Variants in SHOC1 observed in about 807,000 individuals in gnomAD.
SHOC1 encodes the protein protein shortage in chiasmata 1 ortholog.
In SHOC1, 136 loss-of-function variants were observed where a neutral mutation model predicts 179.2. That is an observed-to-expected ratio of 0.76 (90% CI 0.66 to 0.87). SHOC1 has a LOEUF of 0.87. Ranked by LOEUF, SHOC1 falls within the 40% of genes least tolerant of loss-of-function variation. SHOC1 has a pLI of 0.00. For missense variants in SHOC1, 1,538 were observed against 1,700.8 expected (o/e 0.90, Z 1.68); for synonymous variants, 489 against 586.6 (o/e 0.83, Z 2.41).
chr9:111,758,503 C>T (rs1589449467), intron 6 of SHOC1, among the ~76,000 whole-genome samples, 192 bp downstream of exon 6: 1 of 152,164 alleles, frequency 6.6e-6, no homozygotes, highest in East Asian at 1.9e-4. Flanking sequence ...GCAGGAGAAT[C>T]GCATGTGCCC....
rs141436707 is a variant in SHOC1 at position 111,732,995 on chromosome 9, A to T, written c.1418-4946T>A. ...GAGTAGTGCATCCTGGGGACAATGA[A>T]ATCTTCACATTTGGAGCCTTCCTAC... On this transcript the variant is annotated intron_variant, in intron 12 of 27. Coordinates refer to ENST00000682961, the MANE Select transcript of SHOC1 (RefSeq NM_001378211.1). 2.7e-3 allele frequency among the ~76,000 whole-genome samples: 416 copies of T among 151,922 alleles called. 1 individual carries two copies. The highest frequency in any genetic ancestry group is 9.0e-3 in the African/African-American group (371 of 41,402).
intron 12 of SHOC1, among the ~76,000 whole-genome samples, chr9:111,736,660 G>T (rs79841908): frequency 1.3e-5 from 2 of 152,276 alleles, no homozygotes; most frequent in East Asian, 1.9e-4. Context: ...TCTTGGGAAA[G>T]AATTTATGAT....
At chr9:111,704,727 C>T (rs1272676380) in intron 21 of SHOC1, among the ~76,000 whole-genome samples, 6 of 131,752 alleles carry the variant, frequency 4.6e-5, no homozygotes, top group South Asian at 2.6e-4. Context: ...AAGTGTTTTA[C>T]GATTTTATAA....
intron 10 of SHOC1, among the ~76,000 whole-genome samples, chr9:111,745,134 A>G (rs529066795): frequency 2.0e-5 from 3 of 152,348 alleles, no homozygotes; most frequent in African/African-American, 7.2e-5. Context: ...TAGGACATCC[A>G]TAAGAGAGCA....
intron 27 of SHOC1, among the ~76,000 whole-genome samples, chr9:111,687,992 T>C (rs1375808532): frequency 6.6e-6 from 1 of 152,220 alleles, no homozygotes; most frequent in Admixed American, 6.5e-5. Context: ...AGCTAAAGAA[T>C]CCTTAAGTAA....
chr9:111,693,221 G>A (rs1831521965), intron 26 of SHOC1, among the ~76,000 whole-genome samples: 1 of 151,566 alleles, frequency 6.6e-6, no homozygotes, highest in African/African-American at 2.4e-5. Context: ...CACGAGAATT[G>A]CTTGAACCCA....
At chr9:111,699,129 G>T (rs1217392396) in intron 24 of SHOC1, among the ~76,000 whole-genome samples, 1 of 152,036 alleles carries the variant, frequency 6.6e-6, no homozygotes. Context: ...AGTAGAAAAG[G>T]GATATTAGTT....
At chr9:111,759,634 C>T (rs1176170311) in intron 5 of SHOC1, 11 of 918,286 alleles carry the variant, frequency 1.2e-5, no homozygotes, top group African/African-American at 1.8e-5. Flanking sequence ...AATATAAGCT[C>T]AGATGAAGAA....
chr9:111,714,445 C>A lies in SHOC1; in HGVS notation c.2415G>T (p.Lys805Asn), dbSNP rs780796076. The A allele has an allele frequency of 8.7e-6, 14 of 1,613,016 alleles. No homozygotes were observed. The highest frequency in any genetic ancestry group is 1.3e-5 in the African/African-American group (1 of 74,856). The change falls in exon 17 of 28, where the codon AAG (lysine) becomes AAT (asparagine). Residue 805 changes from lysine to asparagine, a missense_variant and splice_region_variant. Coordinates refer to ENST00000682961, the MANE Select transcript of SHOC1 (RefSeq NM_001378211.1). The stretch of plus-strand genomic sequence containing the variant: ...TACCGGCTTTATTCCAATACTTAAC[C>A]TTAATTTGCTGTTGACTTTGCATCC... ...LSWMQSQQQIKVLIIIRMDSD... is the reference protein window; with the variant it reads ...LSWMQSQQQINVLIIIRMDSD...
At chr9:111,700,277 G>C (rs567838391) in intron 23 of SHOC1, among the ~76,000 whole-genome samples, 13 of 152,052 alleles carry the variant, frequency 8.5e-5, no homozygotes, top group African/African-American at 2.4e-4. Context: ...GTGTGTTAGG[G>C]GAGGTGTGAG....
Position 111,758,735 on chromosome 9 carries a change from C to G in SHOC1, c.556G>C (p.Asp186His). ...TCTGTGAAGATCTGTCCTTTGAAAT[C>G]TAAAAGAGGATCCTTTACCAAAAAC... ...KLFLVKDPLL[D>H]FKGQIFTEAN... Residue 186 changes from aspartate to histidine, a missense_variant, in exon 6 of 28, where the codon GAT (aspartate) becomes CAT (histidine). Physicochemically the swap from Asp to His is moderately conservative, Grantham distance 81 (BLOSUM62 -1). Coordinates refer to ENST00000682961, the MANE Select transcript of SHOC1 (RefSeq NM_001378211.1). 9 of 1,597,836 alleles carry G rather than the reference C, an allele frequency of 5.6e-6. No homozygotes were observed. Among genetic ancestry groups the G allele is most frequent in the Non-Finnish European group, 7.7e-6 (9 of 1,175,406 alleles).
At chr9:111,716,124 C>T (rs182857436) in intron 16 of SHOC1, among the ~76,000 whole-genome samples, 104 of 152,212 alleles carry the variant, frequency 6.8e-4, no homozygotes, top group African/African-American at 2.4e-3. Flanking sequence ...CTACATTATT[C>T]GTATGGCTGG....
Position 111,718,344 on chromosome 9 carries a change from A to T in SHOC1, c.2132-56T>A, listed in dbSNP as rs534817926. ...AGACTATACATTACAGTTTTAGAAT[A>T]TGTATCAGAATCTGCCTAATAATGG... On this transcript the variant is annotated intron_variant, in intron 15 of 27. Coordinates refer to ENST00000682961, the MANE Select transcript of SHOC1 (RefSeq NM_001378211.1). 1.0e-5 allele frequency: 12 copies of T among 1,147,004 alleles called. No individual in the cohort carries two copies. In the South Asian group the frequency reaches 2.0e-4, roughly 19 times the overall value. 71.1% of individuals were successfully genotyped at this position (1,147,004 alleles called of 1,614,324 possible).
chr9:111,761,299 C>T (rs143298595), intron 5 of SHOC1, among the ~76,000 whole-genome samples: 1,905 of 152,168 alleles, frequency 0.013, 33 homozygotes, highest in Non-Finnish European at 0.022. Context: ...GTCAGAAGTT[C>T]GAGACCAGCC....
rs1238595686 is a variant in SHOC1 at position 111,780,926 on chromosome 9, A to G, written c.257+4T>C. ...AAGAGAAATTTGAGATTAAGGATACATACTTCTCAAGGAAATCCTCCACAA... is the reference window on the plus strand; with the variant it reads ...AAGAGAAATTTGAGATTAAGGATACGTACTTCTCAAGGAAATCCTCCACAA... On this transcript the variant is annotated splice_donor_region_variant and intron_variant, in intron 4 of 27. Coordinates refer to ENST00000682961, the MANE Select transcript of SHOC1 (RefSeq NM_001378211.1). 2 of 1,605,556 alleles carry G rather than the reference A, an allele frequency of 1.2e-6. No homozygotes were observed. Among genetic ancestry groups the G allele is most frequent in the African/African-American group, 2.7e-5 (2 of 74,738 alleles).
chr9:111,718,628 T>C (rs542762214), intron 15 of SHOC1, among the ~76,000 whole-genome samples: 11 of 152,290 alleles, frequency 7.2e-5, no homozygotes, highest in Admixed American at 3.3e-4. Flanking sequence ...TTTCTACTGC[T>C]ATTGGGAAAA....
At chr9:111,720,453 T>G (rs1832982952) in intron 15 of SHOC1, among the ~76,000 whole-genome samples, 1 of 152,244 alleles carries the variant, frequency 6.6e-6, no homozygotes, top group Non-Finnish European at 1.5e-5. Flanking sequence ...TCTCTTGTAC[T>G]AAGTGTTCAT....
intron 24 of SHOC1, among the ~76,000 whole-genome samples, chr9:111,696,504 C>G (rs915193316): frequency 6.6e-6 from 1 of 152,162 alleles, no homozygotes; most frequent in Non-Finnish European, 1.5e-5. Context: ...ATAGTTGCCT[C>G]TCAATGTCCA....
At chr9:111,775,582 C>T (rs1835797673) in intron 5 of SHOC1, among the ~76,000 whole-genome samples, 2 of 151,882 alleles carry the variant, frequency 1.3e-5, no homozygotes, top group Admixed American at 6.6e-5. Flanking sequence ...TGTTTTGAGG[C>T]CCAGCAAATT....
Sources: allele counts gnomAD v4.1 joint callset (sites outside exome capture counted in the v4.1 genomes callset), GRCh38; gene constraint gnomAD v4.1.1; transcripts MANE v1.5; gene names NCBI Gene and HGNC (gene_info 2026-07-23, HGNC 2026-07-21).